CRACDL: variants seen among roughly 807,000 people sequenced by gnomAD.
The protein encoded by CRACDL is CRACD-like protein.
In CRACDL, 26 loss-of-function variants were observed where a neutral mutation model predicts 70.6. The ratio of observed to expected loss-of-function variants is 0.37; its 90% CI spans 0.27 to 0.51. The LOEUF (loss-of-function observed/expected upper bound fraction) is 0.51. CRACDL is among the 20% of genes least tolerant of loss of function. The probability of loss-of-function intolerance (pLI) is 0.94; values close to 1 mark genes in which losing one functional copy is unlikely to be tolerated. For synonymous variants in CRACDL, 618 were observed against 615.2 expected, an observed-to-expected ratio of 1.00 and a Z score of -0.07; for missense variants, 1,283 against 1,376.9, an observed-to-expected ratio of 0.93 and a Z score of 1.08.
intron 1 of CRACDL, among the ~76,000 whole-genome samples, chr2:98,852,826 C>A (rs994094763): frequency 2.6e-5 from 4 of 151,926 alleles, no homozygotes; most frequent in African/African-American, 7.2e-5. Context: ...CTGAACACAG[C>A]CTCAGTGACC....
chr2:98,849,280 C>A (rs1469315849), intron 1 of CRACDL, among the ~76,000 whole-genome samples: 2 of 152,186 alleles, frequency 1.3e-5, no homozygotes, highest in Non-Finnish European at 2.9e-5. Context: ...GATGTGTCAG[C>A]TAACTGGGAA....
chr2:98,873,258 T>C (rs888685085), intron 1 of CRACDL, among the ~76,000 whole-genome samples: 4 of 152,208 alleles, frequency 2.6e-5, no homozygotes, highest in Non-Finnish European at 5.9e-5. Flanking sequence ...TTTCACAAAG[T>C]ACTTTTGCAC....
At chr2:98,861,118 G>A (rs570512324) in intron 1 of CRACDL, among the ~76,000 whole-genome samples, 6 of 152,236 alleles carry the variant, frequency 3.9e-5, no homozygotes, top group Admixed American at 2.6e-4. Flanking sequence ...AGGCCAAGGC[G>A]GGTGGATCAC....
chr2:98,925,801 T>A (rs1708897424), intron 1 of CRACDL, among the ~76,000 whole-genome samples: 1 of 152,054 alleles, frequency 6.6e-6, no homozygotes, highest in Non-Finnish European at 1.5e-5. Context: ...TGGGGAGCAA[T>A]GCTCGACAGG....
At chr2:98,831,092 G>A (rs1180099223) in intron 5 of CRACDL, among the ~76,000 whole-genome samples, 9 of 152,164 alleles carry the variant, frequency 5.9e-5, no homozygotes, top group Non-Finnish European at 5.9e-5. Context: ...TATGAAATAG[G>A]CCACCCCATC....
chr2:98,821,459 T>C (rs1474124411), intron 7 of CRACDL, among the ~76,000 whole-genome samples: 2 of 152,256 alleles, frequency 1.3e-5, no homozygotes, highest in African/African-American at 4.8e-5. Context: ...ATTACAGGCA[T>C]GAGCTACCGA....
In CRACDL at chr2:98,822,286, T is replaced by C; in HGVS notation, c.1987A>G (p.Thr663Ala). 3.2e-6 allele frequency: 5 copies of C among 1,559,306 alleles called. No homozygotes were observed. The highest frequency in any genetic ancestry group is 3.4e-6 in the Non-Finnish European group (4 of 1,162,616). ...SPQEAAAAPG[T>A]REPCPAAQEP... ...TGGGCGGCTGGGCAGGGCTCTCTCGTGCCGGGCGCGGCGGCCGCCTCCTGA... is the reference window on the plus strand; with the variant it reads ...TGGGCGGCTGGGCAGGGCTCTCTCGCGCCGGGCGCGGCGGCCGCCTCCTGA... Residue 663 changes from threonine (T) to alanine (A), a missense_variant, in exon 7 of 10, where the codon ACG (threonine) becomes GCG (alanine). Coordinates refer to ENST00000397899, the MANE Select transcript of CRACDL (RefSeq NM_207362.3). This position sits in a 1 kb window ranked among gnomAD's most constrained non-coding sequence, Gnocchi z 4.9.
At chr2:98,880,002 A>C (rs1371231319) in intron 1 of CRACDL, among the ~76,000 whole-genome samples, 1 of 152,264 alleles carries the variant, frequency 6.6e-6, no homozygotes, top group African/African-American at 2.4e-5. Context: ...CTCCTCAGTT[A>C]GACTGTAAAG....
chr2:98,846,080 T>C (rs1375819621), intron 2 of CRACDL, among the ~76,000 whole-genome samples: 3 of 152,182 alleles, frequency 2.0e-5, no homozygotes, highest in Non-Finnish European at 4.4e-5. Context: ...AGGGAGTATA[T>C]GAATGGCAAA....
At chr2:98,874,781 A>C (rs1707439798) in intron 1 of CRACDL, among the ~76,000 whole-genome samples, 1 of 152,192 alleles carries the variant, frequency 6.6e-6, no homozygotes. Context: ...CCCAAGGCAC[A>C]GGGGACAAAT....
At chr2:98,907,151 G>T (rs1708435277) in intron 1 of CRACDL, among the ~76,000 whole-genome samples, 1 of 152,130 alleles carries the variant, frequency 6.6e-6, no homozygotes, top group Non-Finnish European at 1.5e-5. Flanking sequence ...AATTAGCTGG[G>T]CATGGTGGTG....
chr2:98,921,133 G>A (rs12233187), intron 1 of CRACDL, among the ~76,000 whole-genome samples: 4,228 of 152,318 alleles, frequency 0.028, 80 homozygotes, highest in Middle Eastern at 0.065. Context: ...GAAGGTGGGA[G>A]CCCCGTCTTG....
At chr2:98,934,260 G>A (rs958874935) in intron 1 of CRACDL, among the ~76,000 whole-genome samples, 2 of 144,642 alleles carry the variant, frequency 1.4e-5, no homozygotes, top group African/African-American at 2.6e-5. Context: ...GTGCAGTGGT[G>A]CCATCTCAGC....
At chr2:98,911,093 C>T (rs1344906937) in intron 1 of CRACDL, among the ~76,000 whole-genome samples, 1 of 152,208 alleles carries the variant, frequency 6.6e-6, no homozygotes, top group Admixed American at 6.5e-5. Flanking sequence ...GGTGAGGTGC[C>T]GAACTGAGAG....
intron 7 of CRACDL, among the ~76,000 whole-genome samples, chr2:98,816,850 T>G (rs1211743971): frequency 1.3e-5 from 2 of 152,210 alleles, no homozygotes; most frequent in East Asian, 3.8e-4. Context: ...AAGACATATG[T>G]GGGTATATAC....
chr2:98,933,802 G>A (rs969585308), intron 1 of CRACDL, among the ~76,000 whole-genome samples: 2 of 152,184 alleles, frequency 1.3e-5, no homozygotes, highest in African/African-American at 4.8e-5. Context: ...GGGCTGGCCA[G>A]CTGAGTCCAT....
At chr2:98,825,267 A>T (rs1009208056) in intron 6 of CRACDL, among the ~76,000 whole-genome samples, 1 of 152,168 alleles carries the variant, frequency 6.6e-6, no homozygotes, top group African/African-American at 2.4e-5. Flanking sequence ...CCCGCTCCTT[A>T]CCAAGCAGGG....
Position 98,860,160 on chromosome 2 carries a change from A to G in CRACDL, c.-10-13350T>C, listed in dbSNP as rs145526415. On this transcript the variant is annotated intron_variant, in intron 1 of 9. Transcript: ENST00000397899. ...AAAAAAAATTAAAGAAGACATAAATAGATGGAAAGATATCCTGTGTTCATA... is the reference window on the plus strand; with the variant it reads ...AAAAAAAATTAAAGAAGACATAAATGGATGGAAAGATATCCTGTGTTCATA... 1.1e-3 allele frequency among the ~76,000 whole-genome samples: 167 copies of G among 152,340 alleles called. 1 individual carries two copies. In the East Asian group the frequency reaches 0.028, roughly 25 times the overall value.
chr2:98,839,597 G>A (rs1705932892), intron 2 of CRACDL, among the ~76,000 whole-genome samples: 1 of 152,184 alleles, frequency 6.6e-6, no homozygotes, highest in Non-Finnish European at 1.5e-5. Context: ...CAGAGCTCAA[G>A]CATAACTGCT....
Sources: gnomAD v4.1 joint callset for allele counts (sites outside exome capture counted in the v4.1 genomes callset) on GRCh38, gnomAD v4.1.1 for gene constraint, Gnocchi (gnomAD v3.1) non-coding constraint, MANE v1.5 for transcripts, NCBI Gene and HGNC (gene_info 2026-07-23, HGNC 2026-07-21) for gene names.